The following SMAD2 variants were observed in gnomAD, a reference collection of about 807,000 sequenced individuals.
The protein encoded by SMAD2 is SMAD family member 2.
Under a neutral mutation model 64.4 loss-of-function variants are expected in SMAD2, and 8 were observed. That is an observed-to-expected ratio of 0.12 (90% CI 0.07 to 0.22). The LOEUF (loss-of-function observed/expected upper bound fraction) is 0.22, where lower values mean the gene tolerates loss of function less well. SMAD2 is among the 10% of genes least tolerant of loss of function. The pLI, the probability that SMAD2 is intolerant of heterozygous loss-of-function variation, is 1.00. For missense variants in SMAD2, 289 were observed against 561.2 expected, an observed-to-expected ratio of 0.51 and a Z score of 4.90; for synonymous variants, 203 against 195.8, an observed-to-expected ratio of 1.04 and a Z score of -0.31.
At chr18:47,909,575 C>T (rs972509688) in intron 1 of SMAD2, among the ~76,000 whole-genome samples, 3 of 152,150 alleles carry the variant, frequency 2.0e-5, no homozygotes, top group Non-Finnish European at 4.4e-5. Flanking sequence ...AAAGGACAGG[C>T]TAACTCTACT....
At chr18:47,897,974 C>T (rs892945789) in intron 1 of SMAD2, among the ~76,000 whole-genome samples, 1 of 152,112 alleles carries the variant, frequency 6.6e-6, no homozygotes, top group Non-Finnish European at 1.5e-5. Flanking sequence ...CATCACACAC[C>T]CCAAATACTG....
intron 2 of SMAD2, among the ~76,000 whole-genome samples, chr18:47,877,266 A>T (rs1267085194): frequency 6.6e-6 from 1 of 152,056 alleles, no homozygotes; most frequent in Non-Finnish European, 1.5e-5. Context: ...AATTAGCAGA[A>T]TATTATCAAC....
At chr18:47,918,891 G>C (rs988543847) in intron 1 of SMAD2, among the ~76,000 whole-genome samples, 9 of 152,118 alleles carry the variant, frequency 5.9e-5, no homozygotes, top group Non-Finnish European at 1.2e-4. Context: ...CCCAACAACA[G>C]TTCCAAACAG....
intron 1 of SMAD2, among the ~76,000 whole-genome samples, chr18:47,927,409 C>A (rs2034808304): frequency 1.3e-5 from 2 of 152,202 alleles, no homozygotes; most frequent in South Asian, 4.1e-4. Flanking sequence ...AATGCATGTG[C>A]CCTTGATTTG....
Position 47,836,992 on chromosome 18 carries a change from A to G in SMAD2, c.*4835T>C. 4.7e-6 allele frequency: 1 copy of G among 212,800 alleles called. No individual in the cohort carries two copies. Among genetic ancestry groups the G allele is most frequent in the Non-Finnish European group, 9.5e-6 (1 of 104,956 alleles). 13.2% of individuals were successfully genotyped at this position (212,800 alleles called of 1,614,324 possible). A position where few individuals can be genotyped will look rare whatever the true frequency, so the allele number is the denominator to read the frequency against. On this transcript the variant is annotated 3_prime_UTR_variant, in exon 11 of 11. Coordinates refer to ENST00000262160, the MANE Select transcript of SMAD2 (RefSeq NM_005901.6). ...CATTATTCTGACTGTCTTAAATACA[A>G]CAATCCAATATGCCCCAAGATGGAA...
At chr18:47,868,270 T>A in intron 5 of SMAD2, 53 bp downstream of exon 5, 1 of 1,495,002 alleles carries the variant, frequency 6.7e-7, no homozygotes, top group Admixed American at 1.7e-5. Flanking sequence ...TGAATGCTTA[T>A]GAACAAAATT....
intron 8 of SMAD2, among the ~76,000 whole-genome samples, chr18:47,846,933 GGTTCT>G (rs1332877937): frequency 6.6e-6 from 1 of 152,100 alleles, no homozygotes; most frequent in Non-Finnish European, 1.5e-5. Context: ...CTGGTACGGT[GGTTCT>G]GTTAAGACTA....
intron 1 of SMAD2, among the ~76,000 whole-genome samples, chr18:47,917,273 G>C (rs1377828699): frequency 6.6e-6 from 1 of 152,120 alleles, no homozygotes; most frequent in Admixed American, 6.5e-5. Flanking sequence ...TTATAGATTT[G>C]ATTTATACCT....
chr18:47,927,311 G>A (rs2034804748), intron 1 of SMAD2, among the ~76,000 whole-genome samples: 1 of 86,166 alleles, frequency 1.2e-5, no homozygotes, highest in Non-Finnish European at 2.1e-5. Context: ...TGTTCCCAGT[G>A]ACACTGAGTA....
intron 8 of SMAD2, among the ~76,000 whole-genome samples, chr18:47,846,649 A>T (rs1914519063): frequency 6.6e-6 from 1 of 152,074 alleles, no homozygotes; most frequent in Admixed American, 6.5e-5. Flanking sequence ...ACCATGTGAC[A>T]AGGAATTCAG....
chr18:47,907,300 T>C (rs577172216), intron 1 of SMAD2, among the ~76,000 whole-genome samples: 3 of 152,204 alleles, frequency 2.0e-5, no homozygotes, highest in Non-Finnish European at 2.9e-5. Context: ...AAACAAATAA[T>C]TATAGTGTGC....
chr18:47,913,750 A>C (rs1156886107), intron 1 of SMAD2, among the ~76,000 whole-genome samples: 1 of 152,244 alleles, frequency 6.6e-6, no homozygotes, highest in African/African-American at 2.4e-5. Context: ...AGTTGCTATC[A>C]AAACGTGAAT....
chr18:47,915,800 T>C (rs2034310286), intron 1 of SMAD2, among the ~76,000 whole-genome samples: 1 of 152,158 alleles, frequency 6.6e-6, no homozygotes, highest in South Asian at 2.1e-4. Context: ...CTCCCTTACG[T>C]TCCTTTTCAG....
chr18:47,862,819 C>A (rs2031283538), intron 6 of SMAD2, among the ~76,000 whole-genome samples: 1 of 152,128 alleles, frequency 6.6e-6, no homozygotes, highest in Admixed American at 6.5e-5. Context: ...TTCTATTTCT[C>A]TATATACCTG....
chr18:47,882,789 T>G (rs1260702577), intron 2 of SMAD2, among the ~76,000 whole-genome samples: 1 of 152,220 alleles, frequency 6.6e-6, no homozygotes, highest in African/African-American at 2.4e-5. Context: ...GAAGTCAAAT[T>G]CTTTCATTGT....
chr18:47,850,858 T>TA (rs1598763360), intron 7 of SMAD2, among the ~76,000 whole-genome samples: 1 of 70,002 alleles, frequency 1.4e-5, no homozygotes, highest in East Asian at 4.1e-4. Context: ...ATTATATATA[T>TA]TATATATATT....
At chr18:47,848,332 G>A (rs1344107178) in intron 8 of SMAD2, 143 bp downstream of exon 8, 2 of 692,662 alleles carry the variant, frequency 2.9e-6, no homozygotes, top group African/African-American at 1.8e-5. Context: ...AGTGAAGCCT[G>A]TGCACTTAAA....
At position 47,864,221 on chromosome 18, in the gene SMAD2, C is replaced by A. The variant is rs116375933; in HGVS notation, c.730+838G>T. ...CTTAGTTATCTGGTACTCCTAAACA[C>A]CCAAATGTATGATTAGCTACAGCAG... On this transcript the variant is annotated intron_variant, in intron 6 of 10. Transcript: ENST00000262160. 9.3e-3 allele frequency among the ~76,000 whole-genome samples: 1,419 copies of A among 152,248 alleles called. 22 individuals carry two copies. The highest frequency in any genetic ancestry group is 0.032 in the African/African-American group (1,332 of 41,550).
At chr18:47,878,465 CA>C (rs944120239) in intron 2 of SMAD2, 6 of 151,956 alleles carry the variant, frequency 3.9e-5, no homozygotes, top group African/African-American at 7.3e-5. Flanking sequence ...CCCATCTCTA[CA>C]AAATAATTAA....
Sources: gnomAD v4.1 joint callset for allele counts (sites outside exome capture counted in the v4.1 genomes callset) on GRCh38, gnomAD v4.1.1 for gene constraint, MANE v1.5 for transcripts, NCBI Gene and HGNC (gene_info 2026-07-23, HGNC 2026-07-21) for gene names.